Variants in EPHA6 observed in about 807,000 individuals in gnomAD.
EPHA6 encodes ephrin type-A receptor 6.
Under a neutral mutation model 112.0 loss-of-function variants are expected in EPHA6, and 50 were observed. That is an observed-to-expected ratio of 0.45 (90% CI 0.36 to 0.56). The LOEUF (loss-of-function observed/expected upper bound fraction) is 0.56, where lower values mean the gene tolerates loss of function less well. Ranked by LOEUF, EPHA6 falls within the 20% of genes least tolerant of loss-of-function variation. The pLI is 0.00. For missense variants in EPHA6, 1,280 were observed against 1,417.4 expected, an observed-to-expected ratio of 0.90 and a Z score of 1.56; for synonymous variants, 529 against 490.7, an observed-to-expected ratio of 1.08 and a Z score of -1.03.
At chr3:97,556,865 C>A (rs542246091) in intron 11 of EPHA6, among the ~76,000 whole-genome samples, 1 of 151,888 alleles carries the variant, frequency 6.6e-6, no homozygotes, top group Non-Finnish European at 1.5e-5. Context: ...TTAAATAAAA[C>A]GATTATTTCT....
chr3:97,175,629 A>G (rs556476002), intron 3 of EPHA6, among the ~76,000 whole-genome samples: 14 of 151,750 alleles, frequency 9.2e-5, no homozygotes, highest in African/African-American at 3.1e-4. Flanking sequence ...ATGCCTATGT[A>G]TTTAATTTTT....
rs2107913472 is a variant in EPHA6, at chr3:97,749,371, A to G, written c.*670A>G. On this transcript the variant is annotated 3_prime_UTR_variant, in exon 18 of 18. Coordinates refer to ENST00000389672, the MANE Select transcript of EPHA6 (RefSeq NM_001080448.3). ...TGGGTTTGTCAATTTTTTAAAAATT[A>G]ACTTTATAATGTCATACATATTTCA... 1 of 205,224 alleles carries G rather than the reference A, an allele frequency of 4.9e-6. No homozygotes were observed. The highest frequency in any genetic ancestry group is 1.9e-4 in the South Asian group (1 of 5,300). 12.7% of individuals were successfully genotyped at this position (205,224 alleles called of 1,614,324 possible).
intron 16 of EPHA6, among the ~76,000 whole-genome samples, chr3:97,736,658 A>G (rs2035276543): frequency 6.6e-6 from 1 of 151,932 alleles, no homozygotes; most frequent in Non-Finnish European, 1.5e-5. Context: ...CTCCATTCCT[A>G]AAACCAGAAA....
intron 3 of EPHA6, among the ~76,000 whole-genome samples, chr3:97,034,977 T>G (rs1009994950): frequency 6.6e-6 from 1 of 152,010 alleles, no homozygotes; most frequent in Non-Finnish European, 1.5e-5. Flanking sequence ...TTACATACAA[T>G]AGTTCCAGAA....
intron 3 of EPHA6, among the ~76,000 whole-genome samples, chr3:97,091,942 G>A (rs774818430): frequency 6.6e-6 from 1 of 151,796 alleles, no homozygotes; most frequent in Admixed American, 6.6e-5. Flanking sequence ...TTGCTTCTTG[G>A]TGGAGGGGTT....
chr3:97,140,905 A>G (rs1369802779), intron 3 of EPHA6, among the ~76,000 whole-genome samples: 1 of 152,040 alleles, frequency 6.6e-6, no homozygotes, highest in Non-Finnish European at 1.5e-5. Flanking sequence ...AAAACATAAG[A>G]TCCAATCATT....
intron 2 of EPHA6, among the ~76,000 whole-genome samples, chr3:96,980,687 TG>T (rs1238174957): frequency 6.6e-6 from 1 of 152,214 alleles, no homozygotes; most frequent in Non-Finnish European, 1.5e-5. Flanking sequence ...CCCATGAGCA[TG>T]GAATGTTCTT....
intron 3 of EPHA6, among the ~76,000 whole-genome samples, chr3:97,024,653 GT>G (rs992934023): frequency 6.6e-6 from 1 of 152,044 alleles, no homozygotes; most frequent in Non-Finnish European, 1.5e-5. Context: ...TGTTTACATG[GT>G]TTTTTTAACT....
At chr3:96,818,450 T>A (rs575050286) in intron 1 of EPHA6, among the ~76,000 whole-genome samples, 1 of 151,960 alleles carries the variant, frequency 6.6e-6, no homozygotes, top group Non-Finnish European at 1.5e-5. Context: ...TGAATCGATT[T>A]TCCCCCCAGG....
intron 7 of EPHA6, among the ~76,000 whole-genome samples, chr3:97,474,248 G>C (rs577299467): frequency 6.6e-6 from 1 of 151,814 alleles, no homozygotes; most frequent in East Asian, 1.9e-4. Flanking sequence ...TCTGCAGTTT[G>C]CTTCTCAGTT....
chr3:97,322,797 C>G (rs1024601600), intron 5 of EPHA6, among the ~76,000 whole-genome samples: 1 of 151,880 alleles, frequency 6.6e-6, no homozygotes, highest in Non-Finnish European at 1.5e-5. Flanking sequence ...AAAACTAAGA[C>G]TTTAAAAAAA....
chr3:97,227,377 C>A (rs1468753129), intron 4 of EPHA6, among the ~76,000 whole-genome samples: 4 of 152,018 alleles, frequency 2.6e-5, no homozygotes, highest in Admixed American at 2.0e-4. Context: ...TACACCCCCA[C>A]GCCCAGCTAA....
At chr3:96,906,305 A>G (rs2038930740) in intron 2 of EPHA6, among the ~76,000 whole-genome samples, 1 of 151,942 alleles carries the variant, frequency 6.6e-6, no homozygotes, top group Non-Finnish European at 1.5e-5. Context: ...CTGTTCTGAG[A>G]CCAACACTGT....
chr3:97,545,084 A>T (rs1220521150), intron 11 of EPHA6, among the ~76,000 whole-genome samples: 1 of 151,872 alleles, frequency 6.6e-6, no homozygotes, highest in Non-Finnish European at 1.5e-5. Flanking sequence ...CTCTGATCTT[A>T]GTTATTTCTT....
chr3:97,525,568 T>C (rs2092606686), intron 10 of EPHA6, among the ~76,000 whole-genome samples: 1 of 152,196 alleles, frequency 6.6e-6, no homozygotes, highest in Non-Finnish European at 1.5e-5. Context: ...TTGTTATTCA[T>C]GTAGGCTTGC....
intron 13 of EPHA6, among the ~76,000 whole-genome samples, chr3:97,631,206 A>T (rs1317841530): frequency 6.6e-6 from 1 of 152,040 alleles, no homozygotes; most frequent in African/African-American, 2.4e-5. Flanking sequence ...CCAAAGGACG[A>T]TCAGTACCCC....
At chr3:97,511,040 C>A (rs965958389) in intron 10 of EPHA6, among the ~76,000 whole-genome samples, 16 of 152,274 alleles carry the variant, frequency 1.1e-4, no homozygotes, top group African/African-American at 3.6e-4. Context: ...CCCCTCCCCC[C>A]CACCAAGCTG....
chr3:96,965,555 T>C lies in EPHA6; in HGVS notation c.451-21775T>C, dbSNP rs181321188. Among the ~76,000 whole-genome samples the C allele has an allele frequency of 1.1e-4, 17 of 152,270 alleles. No homozygotes were observed. In the East Asian group the frequency reaches 2.9e-3, roughly 26 times the overall value. On this transcript the variant is annotated intron_variant, in intron 2 of 17. Coordinates refer to ENST00000389672, the MANE Select transcript of EPHA6 (RefSeq NM_001080448.3). ...TATCCATTTGCAAGAATTCTTTATG[T>C]AGTTTATATTTTTTCTTACAGATAT...
intron 2 of EPHA6, among the ~76,000 whole-genome samples, chr3:96,976,495 TA>T (rs11301376): frequency 0.013 from 1,997 of 152,180 alleles, 47 homozygotes; most frequent in African/African-American, 0.044. Context: ...TTTATGACGT[TA>T]AAAAAAGGCT....
Sources: gnomAD v4.1 joint callset for allele counts (sites outside exome capture counted in the v4.1 genomes callset) on GRCh38, gnomAD v4.1.1 for gene constraint, MANE v1.5 for transcripts, NCBI Gene and HGNC (gene_info 2026-07-23, HGNC 2026-07-21) for gene names.